Variants in FGF1 observed in about 807,000 individuals in gnomAD.
The protein encoded by FGF1 is fibroblast growth factor 1, also known as beta-endothelial cell growth factor.
In FGF1, 9 loss-of-function variants were observed where a neutral mutation model predicts 13.4. The observed-to-expected ratio is 0.67, with a 90% CI of 0.40 to 1.17. The LOEUF (loss-of-function observed/expected upper bound fraction) is 1.17, where lower values mean the gene tolerates loss of function less well. Ranked by LOEUF, FGF1 falls within the 50% of genes most tolerant of loss-of-function variation. FGF1 has a pLI of 0.01. For synonymous variants in FGF1, 93 were observed against 79.0 expected, an observed-to-expected ratio of 1.18 and a Z score of -0.94; for missense variants, 156 against 192.7, an observed-to-expected ratio of 0.81 and a Z score of 1.13.
upstream of FGF1, among the ~76,000 whole-genome samples, chr5:142,690,308 C>CA (rs1341160964): frequency 6.6e-6 from 1 of 151,998 alleles, no homozygotes; most frequent in African/African-American, 2.4e-5. Context: ...CACTGCGCTC[C>CA]AGCCTGGGTG....
rs944374478 is a variant in FGF1, at chr5:142,695,610, A to G, written c.-35+2012T>C. ...AAGAAAAAAAAAAAAAGAAAGAAAA[A>G]GAAAAAAGAATTAACGACCCCAAGT... On this transcript the variant is annotated intron_variant, in intron 2 of 4. Transcript: ENST00000407758. 2.6e-5 allele frequency among the ~76,000 whole-genome samples: 4 copies of G among 151,734 alleles called. No homozygotes were observed. In the South Asian group the frequency reaches 8.3e-4, roughly 32 times the overall value.
At chr5:142,663,224 G>T (rs990630894) in intron 1 of FGF1, among the ~76,000 whole-genome samples, 1 of 150,842 alleles carries the variant, frequency 6.6e-6, no homozygotes, top group African/African-American at 2.4e-5. Flanking sequence ...ACAGAGGATA[G>T]GTGAGAAGCA....
chr5:142,613,985 C>G lies in FGF1; in HGVS notation c.143G>C (p.Gly48Ala), dbSNP rs767502862. 1 of 1,614,010 alleles carries G rather than the reference C, an allele frequency of 6.2e-7. No individual in the cohort carries two copies. Among genetic ancestry groups the G allele is most frequent in the Non-Finnish European group, 8.5e-7 (1 of 1,179,998 alleles). Residue 48 changes from glycine to alanine, a missense_variant, in exon 2 of 4, where the codon GGG (glycine) becomes GCG (alanine). Gly to Ala is a moderately conservative substitution (Grantham distance 60, BLOSUM62 0). Coordinates refer to ENST00000337706, the MANE Select transcript of FGF1 (RefSeq NM_000800.5). The stretch of plus-strand genomic sequence containing the variant: ...GTGCTGGTCGCTCCTGTCCCTTGTC[C>G]CATCCACTGTGCCATCCGGAAGGAT... The part of the protein sequence containing the change: ...LRILPDGTVD[G>A]TRDRSDQHIQ...
chr5:142,628,895 A>G (rs73279616), intron 1 of FGF1, among the ~76,000 whole-genome samples: 150 of 152,236 alleles, frequency 9.9e-4, no homozygotes, highest in African/African-American at 3.5e-3. Context: ...TCCTCTTCAC[A>G]TTCAAGATCC....
intron 1 of FGF1, among the ~76,000 whole-genome samples, chr5:142,630,674 C>T (rs557117829): frequency 6.6e-6 from 1 of 152,254 alleles, no homozygotes; most frequent in South Asian, 2.1e-4. Flanking sequence ...ACTATGATCT[C>T]CTCCATATGG....
intron 1 of FGF1, among the ~76,000 whole-genome samples, chr5:142,627,985 C>T (rs1318271092): frequency 2.6e-5 from 4 of 152,116 alleles, no homozygotes; most frequent in Non-Finnish European, 5.9e-5. Flanking sequence ...CATTAGTATT[C>T]TACACCTGGC....
chr5:142,669,683 C>CA (rs780171440), intron 1 of FGF1, among the ~76,000 whole-genome samples: 80 of 152,320 alleles, frequency 5.3e-4, no homozygotes, highest in Non-Finnish European at 1.0e-3. Flanking sequence ...CTGAGGTGAA[C>CA]AGAGTCATCC....
intron 3 of FGF1, among the ~76,000 whole-genome samples, chr5:142,596,195 C>A (rs1355105424): frequency 6.6e-6 from 1 of 152,240 alleles, no homozygotes; most frequent in Non-Finnish European, 1.5e-5. Flanking sequence ...TGTGGTCAGG[C>A]ACAGTGGCTC....
intron 1 of FGF1, among the ~76,000 whole-genome samples, chr5:142,622,060 T>A (rs952294782): frequency 6.6e-6 from 1 of 152,260 alleles, no homozygotes; most frequent in Non-Finnish European, 1.5e-5. Context: ...TAATGTCTCT[T>A]TTCATGACTG....
At chr5:142,670,268 A>G (rs1205930454) in intron 1 of FGF1, among the ~76,000 whole-genome samples, 2 of 152,052 alleles carry the variant, frequency 1.3e-5, no homozygotes, top group Non-Finnish European at 2.9e-5. Flanking sequence ...CATCCCAGCA[A>G]TCTGAGCTGC....
At chr5:142,613,469 A>G (rs922335443) in intron 2 of FGF1, among the ~76,000 whole-genome samples, 1 of 152,260 alleles carries the variant, frequency 6.6e-6, no homozygotes, top group Non-Finnish European at 1.5e-5. Context: ...TGCATAATTT[A>G]TGATGTGTAA....
chr5:142,623,289 C>CTTGTAAGCATTCGAT (rs1167046479), intron 1 of FGF1, among the ~76,000 whole-genome samples: 1 of 151,932 alleles, frequency 6.6e-6, no homozygotes, highest in African/African-American at 2.4e-5. Flanking sequence ...CACTTGAGAA[C>CTTGTAAGCATTCGAT]TTGTAAGCAT....
At chr5:142,696,994 C>T (rs1173822755) in intron 2 of FGF1, among the ~76,000 whole-genome samples, 1 of 152,166 alleles carries the variant, frequency 6.6e-6, no homozygotes, top group Non-Finnish European at 1.5e-5. Context: ...GAGACCGAGG[C>T]TGCAAAATCT....
chr5:142,675,121 C>T (rs7717369), intron 1 of FGF1, among the ~76,000 whole-genome samples: 26,942 of 152,114 alleles, frequency 0.18, 2,566 homozygotes, highest in Non-Finnish European at 0.19. Flanking sequence ...CTCCCCCCTG[C>T]GCCGCATGCA....
intron 1 of FGF1, among the ~76,000 whole-genome samples, chr5:142,667,600 A>G (rs1256171489): frequency 6.6e-6 from 1 of 151,860 alleles, no homozygotes; most frequent in Non-Finnish European, 1.5e-5. Context: ...AAAAAAAAAA[A>G]AAAAGAAAGA....
chr5:142,696,163 T>G (rs926284086), intron 2 of FGF1, among the ~76,000 whole-genome samples: 4 of 152,210 alleles, frequency 2.6e-5, no homozygotes, highest in Non-Finnish European at 4.4e-5. Flanking sequence ...CCATGGAGTC[T>G]TTTAGTCACC....
intron 1 of FGF1, among the ~76,000 whole-genome samples, chr5:142,676,904 CA>C (rs1561740347): frequency 6.9e-6 from 1 of 144,668 alleles, no homozygotes; most frequent in South Asian, 2.1e-4. Context: ...TACTTCAAAA[CA>C]AAAACAAAAA....
At chr5:142,598,641 A>G (rs1437268984) in intron 3 of FGF1, among the ~76,000 whole-genome samples, 1 of 152,180 alleles carries the variant, frequency 6.6e-6, no homozygotes, top group Non-Finnish European at 1.5e-5. Flanking sequence ...TTCCACACAC[A>G]CAAGTTTGAA....
chr5:142,675,008 G>A lies in FGF1; in HGVS notation c.-35+10949C>T, dbSNP rs569159237. ...GGGCTGCAGCCAGGGATCCCAAGGT[G>A]AAGCCGCCCTCCAAAGGCTTGGCTT... is the stretch of plus-strand genomic sequence containing the variant. On this transcript the variant is annotated intron_variant, in intron 1 of 3. Transcript: ENST00000337706. Among the ~76,000 whole-genome samples, 8 of 152,276 alleles carry A rather than the reference G, an allele frequency of 5.3e-5. No individual in the cohort carries two copies. The East Asian group carries it at 1.2e-3, about 22-fold the overall frequency.
Sources: gnomAD v4.1 joint callset for allele counts (sites outside exome capture counted in the v4.1 genomes callset) on GRCh38, gnomAD v4.1.1 for gene constraint, MANE v1.5 for transcripts, NCBI Gene and HGNC (gene_info 2026-07-23, HGNC 2026-07-21) for gene names.